The following SLC4A10 variants were observed in gnomAD, a reference collection of about 807,000 sequenced individuals.
SLC4A10 encodes solute carrier family 4 member 10.
A neutral mutation model predicts 137.7 loss-of-function variants in SLC4A10; 42 were observed. That is an observed-to-expected ratio of 0.30 (90% CI 0.24 to 0.39). The LOEUF is 0.39. Ranked by LOEUF, SLC4A10 falls within the 10% of genes least tolerant of loss-of-function variation. The probability of loss-of-function intolerance (pLI) is 1.00; values close to 1 mark genes in which losing one functional copy is unlikely to be tolerated. For missense variants in SLC4A10, 925 were observed against 1,355.0 expected, an observed-to-expected ratio of 0.68 and a Z score of 4.98; for synonymous variants, 474 against 464.1, an observed-to-expected ratio of 1.02 and a Z score of -0.27.
chr2:161,786,734 T>C (rs1446558993), intron 2 of SLC4A10, among the ~76,000 whole-genome samples: 1 of 151,708 alleles, frequency 6.6e-6, no homozygotes, highest in Non-Finnish European at 1.5e-5. Flanking sequence ...TTAGGATCTT[T>C]GAGTTTTGTA....
At chr2:161,671,807 G>A (rs1240090222) in intron 1 of SLC4A10, among the ~76,000 whole-genome samples, 1 of 152,202 alleles carries the variant, frequency 6.6e-6, no homozygotes, top group Non-Finnish European at 1.5e-5. Flanking sequence ...CTAGGTACTA[G>A]AGGAGACAGA....
chr2:161,745,634 A>G (rs946136886), intron 1 of SLC4A10, among the ~76,000 whole-genome samples: 86 of 152,126 alleles, frequency 5.7e-4, no homozygotes, highest in African/African-American at 2.0e-3. Context: ...ATATTTATTG[A>G]TGTCTGGGTG....
chr2:161,797,822 A>C (rs2054937439), intron 2 of SLC4A10, among the ~76,000 whole-genome samples: 1 of 152,088 alleles, frequency 6.6e-6, no homozygotes. Flanking sequence ...AATGTGCCAC[A>C]GTACCTTCTA....
chr2:161,779,214 T>C (rs2052727349), intron 2 of SLC4A10, among the ~76,000 whole-genome samples: 1 of 151,928 alleles, frequency 6.6e-6, no homozygotes, highest in Non-Finnish European at 1.5e-5. Flanking sequence ...ACTAATGCCA[T>C]CTTGCAGGAG....
At chr2:161,688,206 C>A (rs1012483438) in intron 1 of SLC4A10, among the ~76,000 whole-genome samples, 1 of 152,176 alleles carries the variant, frequency 6.6e-6, no homozygotes, top group Non-Finnish European at 1.5e-5. Context: ...AAAAACTCTT[C>A]ATTCTCTATT....
chr2:161,769,094 T>C (rs755648068), intron 1 of SLC4A10, among the ~76,000 whole-genome samples: 66 of 152,144 alleles, frequency 4.3e-4, no homozygotes, highest in Middle Eastern at 3.4e-3. Context: ...TTCTGGAATT[T>C]CAACTTCATT....
intron 1 of SLC4A10, among the ~76,000 whole-genome samples, chr2:161,686,680 CT>C (rs1289144457): frequency 6.6e-6 from 1 of 151,960 alleles, no homozygotes; most frequent in African/African-American, 2.4e-5. Flanking sequence ...ATATGTATGC[CT>C]TTATAATAAT....
intron 8 of SLC4A10, among the ~76,000 whole-genome samples, chr2:161,875,410 A>G (rs972120678): frequency 3.9e-5 from 6 of 152,154 alleles, no homozygotes; most frequent in African/African-American, 1.4e-4. Context: ...AAGAAAAAAA[A>G]GGTCTTTATT....
intron 1 of SLC4A10, among the ~76,000 whole-genome samples, chr2:161,754,875 A>G (rs938469306): frequency 2.6e-5 from 4 of 152,122 alleles, no homozygotes; most frequent in African/African-American, 4.8e-5. Flanking sequence ...TTATTTTTCA[A>G]TACTTCACAT....
chr2:161,707,056 A>G (rs1314651896), intron 1 of SLC4A10, among the ~76,000 whole-genome samples: 1 of 151,606 alleles, frequency 6.6e-6, no homozygotes, highest in African/African-American at 2.4e-5. Flanking sequence ...GATGTAGCTT[A>G]GGAAGGCTTT....
At chr2:161,932,373 C>A (rs776546921) in intron 15 of SLC4A10, among the ~76,000 whole-genome samples, 37 of 152,244 alleles carry the variant, frequency 2.4e-4, no homozygotes, top group Non-Finnish European at 5.0e-4. Context: ...AGGGAGGCTA[C>A]CATGGGTATA....
intron 1 of SLC4A10, among the ~76,000 whole-genome samples, chr2:161,702,407 G>A (rs1205602881): frequency 2.0e-5 from 3 of 151,792 alleles, no homozygotes; most frequent in African/African-American, 7.2e-5. Flanking sequence ...CATTGCAAAT[G>A]TTTGTTTATA....
chr2:161,975,128 A>C (rs1334605945), intron 24 of SLC4A10, among the ~76,000 whole-genome samples: 1 of 152,214 alleles, frequency 6.6e-6, no homozygotes, highest in Non-Finnish European at 1.5e-5. Flanking sequence ...CTCTAAGATT[A>C]TATTCCCTAG....
At chr2:161,873,871 T>A (rs779688380) in intron 7 of SLC4A10, 45 bp from the exon 8 acceptor site, 3 of 1,556,804 alleles carry the variant, frequency 1.9e-6, no homozygotes, top group Non-Finnish European at 1.7e-6. Flanking sequence ...GGAGTCTCCG[T>A]GGGAGCATGG....
At chr2:161,631,815 G>C (rs751607096) in intron 1 of SLC4A10, among the ~76,000 whole-genome samples, 15 of 151,620 alleles carry the variant, frequency 9.9e-5, no homozygotes, top group Non-Finnish European at 1.8e-4. Context: ...CTCAGAACTC[G>C]AGAGGTGCTC....
chr2:161,649,485 A>T (rs1255530018), intron 1 of SLC4A10, among the ~76,000 whole-genome samples: 1 of 152,122 alleles, frequency 6.6e-6, no homozygotes, highest in Non-Finnish European at 1.5e-5. Context: ...TTGCCTGTTC[A>T]TAGTTTTATC....
chr2:161,731,320 A>G (rs1022135897), intron 1 of SLC4A10, among the ~76,000 whole-genome samples: 3 of 152,100 alleles, frequency 2.0e-5, no homozygotes, highest in African/African-American at 7.2e-5. Flanking sequence ...TAGGGGGGAA[A>G]ACTTTTGCAA....
intron 15 of SLC4A10, among the ~76,000 whole-genome samples, chr2:161,920,990 T>C (rs565258959): frequency 1.4e-4 from 22 of 152,334 alleles, no homozygotes; most frequent in African/African-American, 5.3e-4. Context: ...ACTCAAATAG[T>C]ATTTGTTGAA....
intron 1 of SLC4A10, among the ~76,000 whole-genome samples, chr2:161,648,055 A>G (rs1262649011): frequency 6.6e-6 from 1 of 152,202 alleles, no homozygotes; most frequent in Non-Finnish European, 1.5e-5. Flanking sequence ...CTACATCTGT[A>G]TGAAGTAATT....
Sources: allele counts gnomAD v4.1 joint callset (sites outside exome capture counted in the v4.1 genomes callset), GRCh38; gene constraint gnomAD v4.1.1; transcripts MANE v1.5; gene names NCBI Gene and HGNC (gene_info 2026-07-23, HGNC 2026-07-21).